The following ADGRV1 variants were observed in gnomAD, a reference collection of about 807,000 sequenced individuals.
ADGRV1 encodes adhesion G protein-coupled receptor V1.
In ADGRV1, 359 loss-of-function variants were observed where a neutral mutation model predicts 596.2. The ratio of observed to expected loss-of-function variants is 0.60; its 90% CI spans 0.55 to 0.66. ADGRV1 has a LOEUF of 0.66. ADGRV1 is among the 30% of genes least tolerant of loss of function. ADGRV1 has a pLI of 0.00. For missense variants in ADGRV1, 7,274 were observed against 7,575.6 expected, an observed-to-expected ratio of 0.96 and a Z score of 1.48; for synonymous variants, 2,681 against 2,679.2, an observed-to-expected ratio of 1.00 and a Z score of -0.02.
chr5:90,681,606 A>G (rs1222151008), intron 27 of ADGRV1, among the ~76,000 whole-genome samples, 152 bp downstream of exon 27: 2 of 152,190 alleles, frequency 1.3e-5, no homozygotes, highest in Non-Finnish European at 2.9e-5. Context: ...GTGATCAAAC[A>G]GTCGTTTGGC....
chr5:90,702,280 A>C (rs16869015), intron 34 of ADGRV1, among the ~76,000 whole-genome samples: 5,197 of 151,952 alleles, frequency 0.034, 177 homozygotes, highest in African/African-American at 0.09. Flanking sequence ...TTTCATCCCA[A>C]TCTTTGGACA....
At chr5:90,963,747 G>A (rs189387006) in intron 83 of ADGRV1, among the ~76,000 whole-genome samples, 272 of 150,990 alleles carry the variant, frequency 1.8e-3, no homozygotes, top group African/African-American at 6.3e-3. Context: ...AAAATGACTC[G>A]TTCACTGTCT....
chr5:91,113,245 T>C (rs886506578), intron 87 of ADGRV1, among the ~76,000 whole-genome samples: 4 of 152,110 alleles, frequency 2.6e-5, no homozygotes, highest in African/African-American at 9.7e-5. Context: ...TGTGAGACTA[T>C]AGGGATCAGT....
At chr5:90,937,152 T>C (rs1775763496) in intron 83 of ADGRV1, among the ~76,000 whole-genome samples, 1 of 152,172 alleles carries the variant, frequency 6.6e-6, no homozygotes, top group South Asian at 2.1e-4. Flanking sequence ...ATATATTTGA[T>C]CCTTATTTTT....
intron 50 of ADGRV1, among the ~76,000 whole-genome samples, chr5:90,730,375 A>G (rs1752401158): frequency 6.6e-6 from 1 of 152,260 alleles, no homozygotes; most frequent in Non-Finnish European, 1.5e-5. Flanking sequence ...CTAGAGAAAC[A>G]TGAAGAGTGA....
At chr5:90,872,837 A>T (rs1768826528) in intron 83 of ADGRV1, among the ~76,000 whole-genome samples, 1 of 152,190 alleles carries the variant, frequency 6.6e-6, no homozygotes, top group Non-Finnish European at 1.5e-5. Flanking sequence ...GGAGCCTAAT[A>T]GCATGGTCTT....
chr5:90,629,372 C>T lies in ADGRV1; in HGVS notation c.1672C>T (p.Leu558Phe). ...AGATGTGAGGTTGCTTTATTCTGTA[C>T]TTTACATTCCTGCTGGAGCTGTGGA... ...KGDVRLLYSV[L>F]YIPAGAVDPL... is the part of the protein sequence containing the mutation. The change falls in exon 9 of 90, where the codon CTT becomes TTT. Residue 558 changes from leucine to phenylalanine, a missense_variant. Leu to Phe is a conservative substitution (Grantham distance 22). Transcript: ENST00000405460. 1 of 1,613,616 alleles carries T rather than the reference C, an allele frequency of 6.2e-7. No individual in the cohort carries two copies. Among genetic ancestry groups the T allele is most frequent in the Non-Finnish European group, 8.5e-7 (1 of 1,179,812 alleles).
At chr5:90,672,228 C>G (rs1772581610) in intron 21 of ADGRV1, among the ~76,000 whole-genome samples, 1 of 152,310 alleles carries the variant, frequency 6.6e-6, no homozygotes, top group South Asian at 2.1e-4. Context: ...GCATTAAAAA[C>G]TATTTTGCAA....
At chr5:90,783,366 A>G (rs758382474) in intron 66 of ADGRV1, 41 bp downstream of exon 66, 2 of 1,313,300 alleles carry the variant, frequency 1.5e-6, no homozygotes, top group Non-Finnish European at 1.1e-6. Context: ...ATAAGACATA[A>G]GTATTGTGTT....
At chr5:90,821,381 G>GGAGT in intron 75 of ADGRV1, among the ~76,000 whole-genome samples, 1 of 151,252 alleles carries the variant, frequency 6.6e-6, no homozygotes, top group Non-Finnish European at 1.5e-5. Flanking sequence ...GTAGCTCAGA[G>GGAGT]TAATTTGATC....
rs181401225 is a variant in ADGRV1, at chr5:90,747,786, T to G, written c.10974+1991T>G. ...TTAATAGTTCCAGAATGGTGGGAAC[T>G]CTCCTGAAATTCCAGTTCCCAGACA... On this transcript the variant is annotated intron_variant, in intron 52 of 89. Coordinates refer to ENST00000405460, the MANE Select transcript of ADGRV1 (RefSeq NM_032119.4). Among the ~76,000 whole-genome samples the G allele has an allele frequency of 4.9e-4, 75 of 152,306 alleles. No homozygotes were observed. The Middle Eastern group carries it at 0.017, about 35-fold the overall frequency.
At chr5:90,995,268 A>G (rs1472960823) in intron 85 of ADGRV1, among the ~76,000 whole-genome samples, 3 of 152,120 alleles carry the variant, frequency 2.0e-5, no homozygotes, top group African/African-American at 7.2e-5. Context: ...GATTTTTTGC[A>G]TTGGCTGAAC....
intron 29 of ADGRV1, 135 bp from the exon 30 acceptor site, chr5:90,689,726 A>T (rs1746211516): frequency 3.2e-6 from 2 of 630,238 alleles, no homozygotes; most frequent in African/African-American, 3.7e-5. Flanking sequence ...TGCTTAGAAT[A>T]AATGTAGTCA....
intron 82 of ADGRV1, among the ~76,000 whole-genome samples, chr5:90,861,464 C>CACT (rs1767557092): frequency 6.6e-6 from 1 of 152,014 alleles, no homozygotes. Flanking sequence ...TGCGTGCCAC[C>CACT]ATGCCCGGCT....
intron 87 of ADGRV1, among the ~76,000 whole-genome samples, chr5:91,125,506 A>G (rs896758844): frequency 6.6e-6 from 1 of 152,222 alleles, no homozygotes; most frequent in Non-Finnish European, 1.5e-5. Context: ...TCCAGGCGAC[A>G]CTAGTCTTGG....
chr5:90,750,506 G>C (rs1402140528), intron 52 of ADGRV1, 45 bp from the exon 53 acceptor site: 2 of 1,527,732 alleles, frequency 1.3e-6, no homozygotes, highest in Non-Finnish European at 1.8e-6. Flanking sequence ...AGTCTGATTA[G>C]GTAATTTCAG....
chr5:90,684,232 T>C, intron 28 of ADGRV1, 37 bp downstream of exon 28: 2 of 1,507,350 alleles, frequency 1.3e-6, no homozygotes, highest in Non-Finnish European at 8.9e-7. Context: ...TATTATTAGC[T>C]CTCAGAATCC....
intron 83 of ADGRV1, among the ~76,000 whole-genome samples, chr5:90,886,786 G>C (rs144584210): frequency 6.6e-6 from 1 of 152,164 alleles, no homozygotes; most frequent in African/African-American, 2.4e-5. Flanking sequence ...CATTCACAGA[G>C]TTTCTCAAGC....
In ADGRV1 at chr5:90,714,292, G is replaced by A. The variant is rs1187672976; in HGVS notation, c.9184+1864G>A. Among the ~76,000 whole-genome samples the A allele has an allele frequency of 2.8e-5, 4 of 145,350 alleles. No individual in the cohort carries two copies. In the East Asian group the frequency reaches 6.0e-4, roughly 22 times the overall value. On this transcript the variant is annotated intron_variant, in intron 42 of 89. Coordinates refer to ENST00000405460, the MANE Select transcript of ADGRV1 (RefSeq NM_032119.4). ...CACTGGTTTGTTTTTTTTTTACTTTGTGATCCTGTTTTTCGTATCCCTTAT... is the reference window on the plus strand; with the variant it reads ...CACTGGTTTGTTTTTTTTTTACTTTATGATCCTGTTTTTCGTATCCCTTAT...
Sources: allele counts gnomAD v4.1 joint callset (sites outside exome capture counted in the v4.1 genomes callset), GRCh38; gene constraint gnomAD v4.1.1; transcripts MANE v1.5; gene names NCBI Gene and HGNC (gene_info 2026-07-23, HGNC 2026-07-21).